The following ALDH2 variants were observed in gnomAD, a reference collection of about 807,000 sequenced individuals.
ALDH2 encodes the protein aldehyde dehydrogenase 2 family member, also known as aldehyde dehydrogenase, mitochondrial.
Under a neutral mutation model 59.6 loss-of-function variants are expected in ALDH2, and 44 were observed. The ratio of observed to expected loss-of-function variants is 0.74; its 90% CI spans 0.58 to 0.95. The LOEUF is 0.95. Among genes scored for constraint, ALDH2 ranks in the 40% least tolerant of loss-of-function variants. The probability of loss-of-function intolerance (pLI) is 0.00; values close to 1 mark genes in which losing one functional copy is unlikely to be tolerated. For missense variants in ALDH2, 570 were observed against 696.3 expected, an observed-to-expected ratio of 0.82 and a Z score of 2.04; for synonymous variants, 291 against 284.0, an observed-to-expected ratio of 1.02 and a Z score of -0.25.
At chr12:111,772,100 A>C (rs2136006838) in intron 1 of ALDH2, among the ~76,000 whole-genome samples, 1 of 152,244 alleles carries the variant, frequency 6.6e-6, no homozygotes, top group South Asian at 2.1e-4. Flanking sequence ...CTTCGTCTGA[A>C]AAAAAACTCC....
chr12:111,775,696 G>A (rs1006383260), intron 1 of ALDH2: 4 of 455,428 alleles, frequency 8.8e-6, no homozygotes, highest in Admixed American at 2.4e-5. Context: ...ACCACGCCCC[G>A]CCCAAGAGCG....
At position 111,815,777 on chromosome 12, in the gene ALDH2, A is replaced by ATTT. The variant is rs1566200931; in HGVS notation, c.*6203_*6204insTTT. On this transcript the variant is annotated 3_prime_UTR_variant, in exon 13 of 13. Coordinates refer to ENST00000261733, the MANE Select transcript of ALDH2 (RefSeq NM_000690.4). ...GGCGTGCACTACCATGCATATATAT[A>ATTT]TATATTTTTTTTTTTTTTTGAGAGA... The ATTT allele has an allele frequency of 2.3e-5, 3 of 128,092 alleles. No individual in the cohort carries two copies. Among genetic ancestry groups the ATTT allele is most frequent in the Admixed American group, 1.6e-4 (2 of 12,764 alleles). 7.9% of individuals were successfully genotyped at this position (128,092 alleles called of 1,614,324 possible). A position where few individuals can be genotyped will look rare whatever the true frequency, so the allele number is the denominator to read the frequency against.
Position 111,803,889 on chromosome 12 carries a change from G to A in ALDH2, c.1437G>A (p.Gln479=), listed in dbSNP as rs1406269379. 6.2e-7 allele frequency: 1 copy of A among 1,613,394 alleles called. No individual in the cohort carries two copies. The highest frequency in any genetic ancestry group is 8.5e-7 in the Non-Finnish European group (1 of 1,179,644). Residue 479 remains glutamine (Q), a synonymous_variant, in exon 12 of 13, where the codon CAG becomes CAA. Transcript: ENST00000261733. ...WVNCYDVFGA[Q]SPFGGYKMSG... The stretch of plus-strand genomic sequence containing the variant: ...ACTGCTATGATGTGTTTGGAGCCCA[G>A]TCACCCTTTGGTGGCTACAAGATGT...
In ALDH2 at chr12:111,809,674, A is replaced by G; in HGVS notation, c.*99A>G. On this transcript the variant is annotated 3_prime_UTR_variant, in exon 13 of 13. Coordinates refer to ENST00000261733, the MANE Select transcript of ALDH2 (RefSeq NM_000690.4). ...ATCCTTGCGTGCTGAATATCTGAAAAGAGAAATTTTTCCTACAAAATCTCT... is the reference window on the plus strand; with the variant it reads ...ATCCTTGCGTGCTGAATATCTGAAAGGAGAAATTTTTCCTACAAAATCTCT... The G allele has an allele frequency of 7.3e-7, 1 of 1,367,842 alleles. No individual in the cohort carries two copies. The highest frequency in any genetic ancestry group is 1.2e-5 in the South Asian group (1 of 81,540). The allele number at this position is 1,367,842 out of a possible 1,614,324, so 84.7% of individuals were successfully genotyped here.
At position 111,811,721 on chromosome 12, in the gene ALDH2, A is replaced by G. The variant is rs138780827; in HGVS notation, c.*2146A>G. ...AGGCCTGACCTCAGGTAATCCACCC[A>G]CCTCTGCCTCCCAGAGTACTGGGAT... On this transcript the variant is annotated 3_prime_UTR_variant, in exon 13 of 13. Coordinates refer to ENST00000261733, the MANE Select transcript of ALDH2 (RefSeq NM_000690.4). The G allele has an allele frequency of 5.0e-3, 753 of 152,068 alleles. 8 individuals carry two copies. The highest frequency in any genetic ancestry group is 8.8e-3 in the Non-Finnish European group (600 of 68,132). The allele number at this position is 152,068 out of a possible 1,614,324, so 9.4% of individuals were successfully genotyped here.
intron 1 of ALDH2, among the ~76,000 whole-genome samples, chr12:111,771,204 T>A (rs2068197209): frequency 6.6e-6 from 1 of 151,988 alleles, no homozygotes; most frequent in Non-Finnish European, 1.5e-5. Context: ...GAGACCAGCC[T>A]GGGCAACATA....
Position 111,767,057 on chromosome 12 carries a change from G to T in ALDH2, c.75G>T (p.Val25=). 2 of 1,529,588 alleles carry T rather than the reference G, an allele frequency of 1.3e-6. No individual in the cohort carries two copies. Among genetic ancestry groups the T allele is most frequent in the Non-Finnish European group, 8.7e-7 (1 of 1,144,216 alleles). The allele number at this position is 1,529,588 out of a possible 1,614,324, so 94.8% of individuals were successfully genotyped here. A position where few individuals can be genotyped will look rare whatever the true frequency, so the allele number is the denominator to read the frequency against. ...TGTCAGCCGCCGCCACCCAGGCCGT[G>T]CCTGCCCCCAACCAGCAGCCCGAGG... ...RLLSAAATQA[V]PAPNQQPEVF... Residue 25 remains valine (V), a synonymous_variant, in exon 1 of 13, where the codon GTG becomes GTT. Coordinates refer to ENST00000261733, the MANE Select transcript of ALDH2 (RefSeq NM_000690.4).
Position 111,798,084 on chromosome 12 carries a change from G to T in ALDH2, c.1090G>T (p.Glu364Ter), listed in dbSNP as rs546693939. 6.2e-7 allele frequency: 1 copy of T among 1,614,182 alleles called. No individual in the cohort carries two copies. The highest frequency in any genetic ancestry group is 2.2e-5 in the East Asian group (1 of 44,880). ...TGGGTTCCTTCTCCCACAGGTGGAT[G>T]AAACTCAGTTTAAGAAGATCCTCGG... Reference protein sequence around the residue: ...SKTEQGPQVDETQFKKILGYI... With the variant: ...SKTEQGPQVD Residue 364 changes from glutamate to a stop codon, truncating the protein, a stop_gained, in exon 10 of 13, where the codon GAA becomes TAA. Transcript: ENST00000261733. LOFTEE classifies it high-confidence loss of function.
rs547347016 is a variant in ALDH2, at chr12:111,776,964, G to T, written c.115-4954G>T. 2.5e-3 allele frequency among the ~76,000 whole-genome samples: 385 copies of T among 152,212 alleles called. 4 individuals carry two copies. The highest frequency in any genetic ancestry group is 8.7e-3 in the African/African-American group (363 of 41,528). Reference sequence around the variant, plus strand: ...CCTCCCAAAGTGCTGGGATTACAGGGATGAGCCACTGTGCCTGGCTCAGAA... The same window carrying T: ...CCTCCCAAAGTGCTGGGATTACAGGTATGAGCCACTGTGCCTGGCTCAGAA... On this transcript the variant is annotated intron_variant, in intron 1 of 12. Coordinates refer to ENST00000261733, the MANE Select transcript of ALDH2 (RefSeq NM_000690.4).
At chr12:111,809,448 CCCTT>C (rs2068519997) in intron 12 of ALDH2, 91 bp from the exon 13 acceptor site, 3 of 1,385,816 alleles carry the variant, frequency 2.2e-6, no homozygotes, top group Middle Eastern at 1.9e-4. Context: ...AAAAGAAAAG[CCCTT>C]TCTGCTCACA....
At chr12:111,785,580 T>C (rs1425439435) in intron 4 of ALDH2, among the ~76,000 whole-genome samples, 1 of 151,912 alleles carries the variant, frequency 6.6e-6, no homozygotes, top group African/African-American at 2.4e-5. Flanking sequence ...AAAAATTAGC[T>C]GGGCATGGTG....
intron 1 of ALDH2, among the ~76,000 whole-genome samples, chr12:111,780,182 G>A (rs181832061): frequency 1.8e-4 from 28 of 152,216 alleles, no homozygotes; most frequent in African/African-American, 6.5e-4. Flanking sequence ...CATGAACACC[G>A]CACGCAGCCT....
intron 5 of ALDH2, 139 bp from the exon 6 acceptor site, chr12:111,790,295 G>GA: frequency 9.2e-7 from 1 of 1,092,134 alleles, no homozygotes; most frequent in Non-Finnish European, 1.3e-6. Context: ...TTAAAACCAC[G>GA]ATGGATGGAG....
chr12:111,786,815 G>A (rs1466380855), intron 4 of ALDH2, among the ~76,000 whole-genome samples: 1 of 152,016 alleles, frequency 6.6e-6, no homozygotes, highest in Non-Finnish European at 1.5e-5. Context: ...CCAAAGTGCT[G>A]GGATTACAGG....
intron 9 of ALDH2, among the ~76,000 whole-genome samples, chr12:111,797,662 T>C (rs1389585137): frequency 6.6e-6 from 1 of 152,114 alleles, no homozygotes; most frequent in Non-Finnish European, 1.5e-5. Flanking sequence ...CATTTCTCTT[T>C]GTGCATATGT....
rs764941692 is a variant in ALDH2, at chr12:111,767,019, GGCC to G, written c.44_46del (p.Arg15del). ...TGCCGCCCGCTTCGGGCCCCGCCTG[GGCC>G]GCCGCCTCTTGTCAGCCGCCGCCAC... On this transcript the variant is annotated inframe_deletion, in exon 1 of 13. Coordinates refer to ENST00000261733, the MANE Select transcript of ALDH2 (RefSeq NM_000690.4). 25 of 1,524,360 alleles carry G rather than the reference GGCC, an allele frequency of 1.6e-5. No individual in the cohort carries two copies. The highest frequency in any genetic ancestry group is 2.0e-5 in the Admixed American group (1 of 50,128). 94.4% of individuals were successfully genotyped at this position (1,524,360 alleles called of 1,614,324 possible). A position where few individuals can be genotyped will look rare whatever the true frequency, so the allele number is the denominator to read the frequency against.
intron 1 of ALDH2, among the ~76,000 whole-genome samples, chr12:111,770,790 G>A (rs960113915): frequency 9.2e-5 from 14 of 152,150 alleles, no homozygotes; most frequent in African/African-American, 3.4e-4. Context: ...GATTACAGGT[G>A]CCCACCACCA....
chr12:111,777,334 A>G (rs2136010267), intron 1 of ALDH2, among the ~76,000 whole-genome samples: 1 of 152,292 alleles, frequency 6.6e-6, no homozygotes, highest in South Asian at 2.1e-4. Flanking sequence ...AGGGGTAGCT[A>G]GTGAATGTTA....
intron 11 of ALDH2, among the ~76,000 whole-genome samples, chr12:111,801,524 C>G (rs1218350958): frequency 6.6e-6 from 1 of 151,898 alleles, no homozygotes; most frequent in African/African-American, 2.4e-5. Flanking sequence ...CATGGTGAAA[C>G]CTTATCTCTA....
Sources: allele counts gnomAD v4.1 joint callset (sites outside exome capture counted in the v4.1 genomes callset), GRCh38; gene constraint gnomAD v4.1.1; transcripts MANE v1.5; gene names NCBI Gene and HGNC (gene_info 2026-07-23, HGNC 2026-07-21).